The following GALNT13 variants were observed in gnomAD, a reference collection of about 807,000 sequenced individuals.
GALNT13 encodes the protein UDP-GalNAc:polypeptide N-acetylgalactosaminyltransferase 13.
A neutral mutation model predicts 64.2 loss-of-function variants in GALNT13; 28 were observed. The ratio of observed to expected loss-of-function variants is 0.44; its 90% CI spans 0.32 to 0.60. The LOEUF (loss-of-function observed/expected upper bound fraction) is 0.60. Among genes scored for constraint, GALNT13 ranks in the 20% least tolerant of loss-of-function variants. The pLI is 0.05. For synonymous variants in GALNT13, 214 were observed against 224.6 expected (o/e 0.95, Z 0.42); for missense variants, 577 against 669.8 (o/e 0.86, Z 1.53).
At chr2:154,347,482 C>T (rs77853476) in intron 9 of GALNT13, among the ~76,000 whole-genome samples, 1,565 of 152,208 alleles carry the variant, frequency 0.01, 27 homozygotes, top group African/African-American at 0.035. Flanking sequence ...AAATTATCTG[C>T]TCTCCAGTAA....
the GALNT13 span, among the ~76,000 whole-genome samples, chr2:153,202,229 C>T: frequency 6.6e-6 from 1 of 151,850 alleles, no homozygotes; most frequent in East Asian, 1.9e-4. Flanking sequence ...CATGATCCAC[C>T]CGCCTCGGCC....
At chr2:154,249,044 C>T (rs1379724056) in intron 7 of GALNT13, among the ~76,000 whole-genome samples, 1 of 152,114 alleles carries the variant, frequency 6.6e-6, no homozygotes, top group African/African-American at 2.4e-5. Context: ...TATGCATATA[C>T]ATTACCTAAT....
chr2:153,751,085 A>G, the GALNT13 span, among the ~76,000 whole-genome samples: 1 of 151,906 alleles, frequency 6.6e-6, no homozygotes, highest in Non-Finnish European at 1.5e-5. Flanking sequence ...ATTCAGGAGC[A>G]TATTCTCTAA....
the GALNT13 span, among the ~76,000 whole-genome samples, chr2:153,378,112 C>T: frequency 6.6e-6 from 1 of 152,000 alleles, no homozygotes; most frequent in Non-Finnish European, 1.5e-5. Flanking sequence ...TAAAATATTT[C>T]TTATTCTGTG....
chr2:154,434,730 T>A (rs1252776681), intron 11 of GALNT13, among the ~76,000 whole-genome samples: 2 of 152,022 alleles, frequency 1.3e-5, no homozygotes, highest in Admixed American at 1.3e-4. Context: ...ATTTTACAGT[T>A]GAGACAACAT....
At chr2:154,294,582 A>T (rs1333910012) in intron 8 of GALNT13, among the ~76,000 whole-genome samples, 2 of 152,212 alleles carry the variant, frequency 1.3e-5, no homozygotes, top group Non-Finnish European at 2.9e-5. Context: ...GGAAATCATG[A>T]CAAATTTATT....
chr2:154,437,455 C>T, intron 11 of GALNT13: 1 of 962,628 alleles, frequency 1.0e-6, no homozygotes, highest in Non-Finnish European at 1.3e-6. Flanking sequence ...TGACCTTTCT[C>T]ATTATGTATT....
chr2:153,366,212 G>T, the GALNT13 span, among the ~76,000 whole-genome samples: 1 of 152,048 alleles, frequency 6.6e-6, no homozygotes, highest in African/African-American at 2.4e-5. Context: ...TGGACACAGG[G>T]AGGGGAACAA....
intron 3 of GALNT13, among the ~76,000 whole-genome samples, chr2:153,979,697 T>C (rs1017880537): frequency 1.3e-5 from 2 of 152,196 alleles, no homozygotes; most frequent in African/African-American, 4.8e-5. Context: ...ATAAAACATT[T>C]ATAAGTATGA....
At chr2:154,045,201 A>C (rs1699214042) in intron 3 of GALNT13, among the ~76,000 whole-genome samples, 1 of 152,226 alleles carries the variant, frequency 6.6e-6, no homozygotes, top group African/African-American at 2.4e-5. Flanking sequence ...TAGAAAAGGA[A>C]GATGAAATTA....
chr2:154,091,988 G>A (rs1221536840), intron 3 of GALNT13, among the ~76,000 whole-genome samples: 1 of 146,938 alleles, frequency 6.8e-6, no homozygotes, highest in Non-Finnish European at 1.5e-5. Context: ...ATTTAGATAG[G>A]CAAAAGCCCC....
At chr2:154,274,246 C>G (rs1691514553) in intron 8 of GALNT13, among the ~76,000 whole-genome samples, 1 of 152,060 alleles carries the variant, frequency 6.6e-6, no homozygotes, top group Admixed American at 6.6e-5. Context: ...TTTGAAGATG[C>G]AGATATATAG....
At chr2:153,812,935 C>T in the GALNT13 span, among the ~76,000 whole-genome samples, 1 of 152,198 alleles carries the variant, frequency 6.6e-6, no homozygotes, top group East Asian at 1.9e-4. Flanking sequence ...ATTCTACATA[C>T]AGGTTTTGTG....
intron 9 of GALNT13, 141 bp from the exon 10 acceptor site, chr2:154,395,850 A>G (rs543690281): frequency 1.3e-5 from 8 of 600,572 alleles, no homozygotes; most frequent in Non-Finnish European, 2.2e-5. Flanking sequence ...TGGTAGTAAA[A>G]ATCCAGTGGA....
chr2:153,531,943 C>T, the GALNT13 span, among the ~76,000 whole-genome samples: 90 of 152,198 alleles, frequency 5.9e-4, no homozygotes, highest in South Asian at 3.7e-3. Flanking sequence ...TTCAGCGTCT[C>T]TGCCCTGTGG....
At chr2:153,937,460 A>T (rs963973377) in intron 2 of GALNT13, among the ~76,000 whole-genome samples, 3 of 152,196 alleles carry the variant, frequency 2.0e-5, no homozygotes, top group African/African-American at 7.2e-5. Context: ...TCAGATTAGT[A>T]GTTACTTATG....
the GALNT13 span, among the ~76,000 whole-genome samples, chr2:153,378,107 T>C: frequency 1.3e-5 from 2 of 152,150 alleles, no homozygotes; most frequent in African/African-American, 4.8e-5. Context: ...GAAAATAAAA[T>C]ATTTCTTATT....
intron 7 of GALNT13, 90 bp downstream of exon 7, chr2:154,246,072 A>G: frequency 2.4e-6 from 2 of 817,242 alleles, no homozygotes; most frequent in Non-Finnish European, 3.8e-6. Context: ...TAATTATTTA[A>G]TTGTATCCTT....
intron 3 of GALNT13, among the ~76,000 whole-genome samples, chr2:154,104,251 G>A (rs530704462): frequency 1.3e-5 from 2 of 152,202 alleles, no homozygotes; most frequent in South Asian, 2.1e-4. Flanking sequence ...TCTGGCAGCA[G>A]TAAAATGGCC....
Sources: gnomAD v4.1 joint callset for allele counts (sites outside exome capture counted in the v4.1 genomes callset) on GRCh38, gnomAD v4.1.1 for gene constraint, MANE v1.5 for transcripts, NCBI Gene and HGNC (gene_info 2026-07-23, HGNC 2026-07-21) for gene names.